TRPA1: variants seen among roughly 807,000 people sequenced by gnomAD.
The protein encoded by TRPA1 is ankyrin-like with transmembrane domains 1.
TRPA1 carries 129 observed loss-of-function variants against 131.3 expected under a neutral mutation model. The ratio of observed to expected loss-of-function variants is 0.98; its 90% CI spans 0.85 to 1.14. The LOEUF is 1.14. Ranked by LOEUF, TRPA1 falls within the 50% of genes most tolerant of loss-of-function variation. The probability of loss-of-function intolerance (pLI) is 0.00; values close to 1 mark genes in which losing one functional copy is unlikely to be tolerated. For missense variants in TRPA1, 1,304 were observed against 1,354.2 expected, an observed-to-expected ratio of 0.96 and a Z score of 0.58; for synonymous variants, 441 against 451.7, an observed-to-expected ratio of 0.98 and a Z score of 0.30.
intron 24 of TRPA1, among the ~76,000 whole-genome samples, chr8:72,028,309 T>TA (rs1210302884): frequency 6.6e-6 from 1 of 152,230 alleles, no homozygotes; most frequent in Non-Finnish European, 1.5e-5. Context: ...TGGTTTTGAA[T>TA]AAACCCCCCT....
chr8:72,071,981 A>G (rs1746171292), intron 1 of TRPA1, 114 bp from the exon 2 acceptor site: 1 of 938,448 alleles, frequency 1.1e-6, no homozygotes. Flanking sequence ...TCATGCTTAT[A>G]TGAGGTAAAT....
At chr8:72,057,932 C>A in intron 8 of TRPA1, 116 bp from the exon 9 acceptor site, 1 of 752,748 alleles carries the variant, frequency 1.3e-6, no homozygotes, top group Non-Finnish European at 2.3e-6. Context: ...ATGGCTAGCA[C>A]TGAACCATAC....
At chr8:72,026,120 G>A (rs1486566748) in intron 24 of TRPA1, 47 bp from the exon 25 acceptor site, 2 of 1,465,274 alleles carry the variant, frequency 1.4e-6, no homozygotes. Flanking sequence ...GTTAGTATAT[G>A]GAATTTTTAT....
the TRPA1 span, among the ~76,000 whole-genome samples, chr8:72,086,041 C>T: frequency 6.6e-6 from 1 of 152,100 alleles, no homozygotes; most frequent in South Asian, 2.1e-4. Context: ...GCTGGGATTA[C>T]AAGCATCTGC....
chr8:72,088,066 A>G, the TRPA1 span, among the ~76,000 whole-genome samples: 5 of 152,198 alleles, frequency 3.3e-5, no homozygotes, highest in African/African-American at 1.2e-4. Flanking sequence ...CAGATCAGAG[A>G]GGGGAGTGGT....
chr8:72,027,015 C>T (rs922993886), intron 24 of TRPA1, among the ~76,000 whole-genome samples: 6 of 152,180 alleles, frequency 3.9e-5, no homozygotes, highest in East Asian at 1.9e-4. Context: ...GTTCCAGCTT[C>T]AAGAAAAGCT....
In TRPA1 at chr8:72,038,031, T is replaced by A; in HGVS notation, c.2337A>T (p.Leu779Phe). Residue 779 changes from leucine to phenylalanine, a missense_variant, in exon 20 of 27, where the codon TTA becomes TTT. Physicochemically the swap from Leu to Phe is conservative, Grantham distance 22. Coordinates refer to ENST00000262209, the MANE Select transcript of TRPA1 (RefSeq NM_007332.3). ...LIKTCMILVF[L>F]SSIFGYCKEA... ...CTTTGCAATACCCAAATATACTTGA[T>A]AAAAACACTAAAATCATACAAGTTT... 4 of 1,599,690 alleles carry A rather than the reference T, an allele frequency of 2.5e-6. No homozygotes were observed. Among genetic ancestry groups the A allele is most frequent in the Middle Eastern group, 1.7e-4 (1 of 6,020 alleles).
chr8:72,080,452 A>T (rs546006902), upstream of TRPA1, among the ~76,000 whole-genome samples: 1 of 151,740 alleles, frequency 6.6e-6, no homozygotes, highest in South Asian at 2.1e-4. Flanking sequence ...CAACCTTTTC[A>T]TATGTTACTG....
chr8:72,035,244 C>T (rs1232709736), intron 21 of TRPA1, among the ~76,000 whole-genome samples: 1 of 152,140 alleles, frequency 6.6e-6, no homozygotes, highest in Non-Finnish European at 1.5e-5. Flanking sequence ...TTCACAGAGA[C>T]ATATATAGTG....
At chr8:72,028,235 C>A (rs1811675143) in intron 24 of TRPA1, among the ~76,000 whole-genome samples, 1 of 152,228 alleles carries the variant, frequency 6.6e-6, no homozygotes, top group Non-Finnish European at 1.5e-5. Flanking sequence ...TAACTCTCCA[C>A]TAACTTACAA....
At chr8:72,034,170 GA>G in intron 22 of TRPA1, 77 bp downstream of exon 22, 1 of 1,352,398 alleles carries the variant, frequency 7.4e-7, no homozygotes, top group Non-Finnish European at 1.0e-6. Context: ...GCATTTTCTA[GA>G]CTATTTAGAT....
In TRPA1 at chr8:72,055,855, T is replaced by G. The variant is rs2129435613; in HGVS notation, c.1195A>C (p.Met399Leu). The change falls in exon 11 of 27, where the codon ATG becomes CTG. Residue 399 changes from methionine (M) to leucine (L), a missense_variant and splice_region_variant. Transcript: ENST00000262209. The stretch of plus-strand genomic sequence containing the variant: ...ATTACCAGCTCTTTGATCTGTTGCA[T>G]CTATAGGAAAAAATTAATATCATAC... Reference protein sequence around the residue: ...LKNLRPEFMQMQQIKELVMDE... With the variant: ...LKNLRPEFMQLQQIKELVMDE... The G allele has an allele frequency of 1.2e-6, 2 of 1,607,906 alleles. No homozygotes were observed. Among genetic ancestry groups the G allele is most frequent in the Non-Finnish European group, 1.7e-6 (2 of 1,178,626 alleles).
chr8:72,053,046 T>G, intron 13 of TRPA1: 3 of 291,072 alleles, frequency 1.0e-5, no homozygotes, highest in Non-Finnish European at 1.3e-5. Flanking sequence ...AGAGAGAGAA[T>G]GAATTCCAAG....
At chr8:72,075,854 A>ATGTG (rs1283812692), upstream of TRPA1, among the ~76,000 whole-genome samples, 20 of 83,138 alleles carry the variant, frequency 2.4e-4, no homozygotes, top group African/African-American at 8.2e-4. Flanking sequence ...CCAACCTTGC[A>ATGTG]TGTGAGTGTG....
intron 23 of TRPA1, among the ~76,000 whole-genome samples, chr8:72,031,241 G>C (rs1811802037): frequency 6.6e-6 from 1 of 152,190 alleles, no homozygotes; most frequent in South Asian, 2.1e-4. Context: ...ATTTGCAAGT[G>C]TTCAGATGGG....
Position 72,075,382 on chromosome 8 carries a change from G to C in TRPA1, c.28C>G (p.Arg10Gly), listed in dbSNP as rs752710470. The C allele has an allele frequency of 1.2e-6, 2 of 1,610,434 alleles. No individual in the cohort carries two copies. The highest frequency in any genetic ancestry group is 1.3e-5 in the African/African-American group (1 of 74,870). The stretch of plus-strand genomic sequence containing the variant: ...TGGGGCTCCTTCTTTTCTCCAGGGC[G>C]CCACATCTTCCTCAGGCTGCGCTTC... MKRSLRKMW[R>G]PGEKKEPQGV... The change falls in exon 1 of 27, where the codon CGC becomes GGC. Residue 10 changes from arginine (R) to glycine (G), a missense_variant. Transcript: ENST00000262209.
chr8:72,061,726 G>C lies in TRPA1; in HGVS notation c.843C>G (p.Thr281=). The C allele has an allele frequency of 6.2e-7, 1 of 1,613,926 alleles. No individual in the cohort carries two copies. The highest frequency in any genetic ancestry group is 8.5e-7 in the Non-Finnish European group (1 of 1,179,916). Residue 281 remains threonine, a synonymous_variant, in exon 7 of 27, where the codon ACC becomes ACG. Coordinates refer to ENST00000262209, the MANE Select transcript of TRPA1 (RefSeq NM_007332.3). ...GRCTAIHFAA[T]QGATEIVKLM... is the part of the protein sequence containing the mutation. ...GTTTAACAATCTCAGTGGCTCCCTG[G>C]GTGGCAGCAAAATGAATGGCTGTGC...
rs190326811 is a variant in TRPA1, at chr8:72,052,385, G to C, written c.1811+214C>G. On this transcript the variant is annotated intron_variant, in intron 14 of 26. Coordinates refer to ENST00000262209, the MANE Select transcript of TRPA1 (RefSeq NM_007332.3). ...TGCAGTGAACAGAGATCACACCACT[G>C]CACTCCAGCCTGTGCGACAGAGCTA... Among the ~76,000 whole-genome samples the C allele has an allele frequency of 2.4e-4, 36 of 152,124 alleles. No individual in the cohort carries two copies. The East Asian group carries it at 5.8e-3, about 25-fold the overall frequency.
chr8:72,040,772 C>G (rs1030208603), intron 17 of TRPA1, among the ~76,000 whole-genome samples: 1 of 152,018 alleles, frequency 6.6e-6, no homozygotes, highest in Non-Finnish European at 1.5e-5. Context: ...GTCCCAGTAT[C>G]ATGACTTGCT....
Sources: allele counts gnomAD v4.1 joint callset (sites outside exome capture counted in the v4.1 genomes callset), GRCh38; gene constraint gnomAD v4.1.1; transcripts MANE v1.5; gene names NCBI Gene and HGNC (gene_info 2026-07-23, HGNC 2026-07-21).